Variants in PDE1C observed in about 807,000 individuals in gnomAD.
PDE1C encodes dual specificity calcium/calmodulin-dependent 3',5'-cyclic nucleotide phosphodiesterase 1C.
PDE1C carries 62 observed loss-of-function variants against 93.1 expected under a neutral mutation model. The observed-to-expected ratio is 0.67, with a 90% CI of 0.54 to 0.82. The LOEUF (loss-of-function observed/expected upper bound fraction) is 0.82. Among genes scored for constraint, PDE1C ranks in the 40% least tolerant of loss-of-function variants. The pLI, the probability that PDE1C is intolerant of heterozygous loss-of-function variation, is 0.00. For synonymous variants in PDE1C, 325 were observed against 310.1 expected (o/e 1.05, Z -0.50); for missense variants, 742 against 884.6 (o/e 0.84, Z 2.04).
intron 2 of PDE1C, among the ~76,000 whole-genome samples, chr7:32,194,706 GT>G (rs1189702859): frequency 2.6e-5 from 4 of 152,140 alleles, no homozygotes. Flanking sequence ...GTTGGGTCAT[GT>G]TTTTTAACCC....
intron 3 of PDE1C, among the ~76,000 whole-genome samples, chr7:32,080,822 C>T (rs1796621281): frequency 1.3e-5 from 2 of 152,102 alleles, no homozygotes; most frequent in Admixed American, 1.3e-4. Flanking sequence ...TGCCTTCCAC[C>T]CACATGCTTT....
intron 1 of PDE1C, among the ~76,000 whole-genome samples, chr7:32,055,622 G>A (rs774853915): frequency 7.2e-5 from 11 of 152,006 alleles, no homozygotes; most frequent in Non-Finnish European, 1.6e-4. Context: ...TGCAGGAAAT[G>A]AGCTGGAAAA....
At chr7:32,039,294 A>G (rs942786413) in intron 2 of PDE1C, among the ~76,000 whole-genome samples, 2 of 152,188 alleles carry the variant, frequency 1.3e-5, no homozygotes, top group African/African-American at 4.8e-5. Flanking sequence ...TATCCAAAAA[A>G]TCATGGCAAA....
At chr7:32,188,300 T>C (rs1276703480) in intron 2 of PDE1C, among the ~76,000 whole-genome samples, 1 of 152,106 alleles carries the variant, frequency 6.6e-6, no homozygotes, top group East Asian at 1.9e-4. Context: ...CTTTCTTCTG[T>C]TCAGGCAAGC....
upstream of PDE1C, among the ~76,000 whole-genome samples, chr7:32,075,075 C>A (rs1796276784): frequency 6.6e-6 from 1 of 152,182 alleles, no homozygotes; most frequent in Non-Finnish European, 1.5e-5. Context: ...GAAGCTGCCA[C>A]AGGAGCATGC....
chr7:32,247,821 C>T (rs73687120), intron 1 of PDE1C, among the ~76,000 whole-genome samples: 15,979 of 152,134 alleles, frequency 0.11, 894 homozygotes, highest in East Asian at 0.13. Flanking sequence ...ATATTAAATG[C>T]ATTTTCAACT....
At chr7:32,056,006 C>G (rs924692979) in intron 1 of PDE1C, among the ~76,000 whole-genome samples, 7 of 152,158 alleles carry the variant, frequency 4.6e-5, no homozygotes, top group African/African-American at 1.7e-4. Flanking sequence ...AGGCATGAGC[C>G]ACCATTCCTG....
At chr7:32,360,365 T>C (rs1263951670) in intron 1 of PDE1C, among the ~76,000 whole-genome samples, 2 of 152,252 alleles carry the variant, frequency 1.3e-5, no homozygotes, top group African/African-American at 2.4e-5. Context: ...GTGAGAGATA[T>C]CCAGTGGTTG....
intron 3 of PDE1C, among the ~76,000 whole-genome samples, chr7:32,104,961 A>C (rs1368560437): frequency 6.6e-6 from 1 of 152,156 alleles, no homozygotes; most frequent in Admixed American, 6.5e-5. Context: ...TTCAGGAAAA[A>C]ATAGATATAT....
At chr7:31,676,948 C>G in the PDE1C span, among the ~76,000 whole-genome samples, 1 of 152,182 alleles carries the variant, frequency 6.6e-6, no homozygotes, top group African/African-American at 2.4e-5. Flanking sequence ...TCCCAGCATT[C>G]CATCCAGTAA....
chr7:31,781,621 A>T (rs1295517731), intron 16 of PDE1C, among the ~76,000 whole-genome samples: 5 of 151,896 alleles, frequency 3.3e-5, no homozygotes, highest in African/African-American at 1.2e-4. Flanking sequence ...AAGAGAGAGC[A>T]TCAGTAAAAG....
chr7:32,348,789 T>C (rs1783902490), intron 1 of PDE1C, among the ~76,000 whole-genome samples: 1 of 152,160 alleles, frequency 6.6e-6, no homozygotes, highest in Non-Finnish European at 1.5e-5. Context: ...TCATTGAAGC[T>C]CCTATTCCAG....
At chr7:31,872,209 T>G (rs1298529975) in intron 6 of PDE1C, among the ~76,000 whole-genome samples, 1 of 152,066 alleles carries the variant, frequency 6.6e-6, no homozygotes, top group Non-Finnish European at 1.5e-5. Context: ...TGATAGATAC[T>G]GGAGGCTGGG....
At chr7:32,005,664 T>TATG (rs1477278981) in intron 2 of PDE1C, among the ~76,000 whole-genome samples, 5 of 151,490 alleles carry the variant, frequency 3.3e-5, no homozygotes, top group Non-Finnish European at 7.4e-5. Context: ...GAGTGTATAT[T>TATG]AGTATAAAAG....
At chr7:31,913,871 T>C (rs35678268) in intron 2 of PDE1C, among the ~76,000 whole-genome samples, 1,858 of 152,272 alleles carry the variant, frequency 0.012, 16 homozygotes, top group Middle Eastern at 0.027. Context: ...ACAAAGTTTT[T>C]CAAAAGGAAC....
chr7:32,129,320 T>TCA (rs1554509982), intron 3 of PDE1C, among the ~76,000 whole-genome samples: 3 of 148,700 alleles, frequency 2.0e-5, no homozygotes, highest in African/African-American at 5.1e-5. Flanking sequence ...CTTTTATTTG[T>TCA]TTTTGAGAAA....
At chr7:32,143,096 G>A (rs1304140752) in intron 3 of PDE1C, among the ~76,000 whole-genome samples, 1 of 151,906 alleles carries the variant, frequency 6.6e-6, no homozygotes, top group African/African-American at 2.4e-5. Context: ...CCACAGCAGG[G>A]CATGGTCAAC....
At chr7:31,643,737 C>T in the PDE1C span, 3 of 1,614,036 alleles carry the variant, frequency 1.9e-6, no homozygotes, top group South Asian at 2.2e-5. Context: ...ACTCAGGCTT[C>T]TCTAGTATCT....
chr7:32,113,105 T>C (rs1457864239), intron 3 of PDE1C, among the ~76,000 whole-genome samples: 1 of 149,170 alleles, frequency 6.7e-6, no homozygotes, highest in Non-Finnish European at 1.5e-5. Flanking sequence ...CCATAACAGT[T>C]ATAGGTATAG....
Sources: allele counts gnomAD v4.1 joint callset (sites outside exome capture counted in the v4.1 genomes callset), GRCh38; gene constraint gnomAD v4.1.1; transcripts MANE v1.5; gene names NCBI Gene and HGNC (gene_info 2026-07-23, HGNC 2026-07-21).